NGLY1: variants seen among roughly 807,000 people sequenced by gnomAD.
NGLY1 encodes N-glycanase 1.
NGLY1 carries 68 observed loss-of-function variants against 84.6 expected under a neutral mutation model. The ratio of observed to expected loss-of-function variants is 0.80; its 90% confidence interval spans 0.66 to 0.98. The LOEUF (loss-of-function observed/expected upper bound fraction) is 0.98. Ranked by LOEUF, NGLY1 falls within the 50% of genes least tolerant of loss-of-function variation. The pLI, the probability that NGLY1 is intolerant of heterozygous loss-of-function variation, is 0.00. For synonymous variants in NGLY1, 280 were observed against 275.2 expected (o/e 1.02, Z -0.17); for missense variants, 779 against 770.2 (o/e 1.01, Z -0.14).
intron 8 of NGLY1, 145 bp from the exon 9 acceptor site, chr3:25,732,628 A>T: frequency 1.8e-6 from 1 of 557,722 alleles, no homozygotes; most frequent in Non-Finnish European, 3.0e-6. Flanking sequence ...TATTATTCAG[A>T]AAATAAAAAG....
At chr3:25,772,064 T>C (rs1180227946) in intron 2 of NGLY1, among the ~76,000 whole-genome samples, 2 of 152,214 alleles carry the variant, frequency 1.3e-5, no homozygotes, top group African/African-American at 4.8e-5. Context: ...TCCAGTACTA[T>C]GTTGAATAGA....
intron 2 of NGLY1, among the ~76,000 whole-genome samples, chr3:25,773,860 G>A (rs1445121501): frequency 6.6e-6 from 1 of 152,184 alleles, no homozygotes; most frequent in African/African-American, 2.4e-5. Context: ...CTTCCTGAGA[G>A]CTGGACTGCA....
intron 2 of NGLY1, among the ~76,000 whole-genome samples, chr3:25,777,394 T>TGA (rs1708205664): frequency 1.2e-4 from 2 of 16,180 alleles, no homozygotes; most frequent in Non-Finnish European, 7.6e-4. Flanking sequence ...AAACTCCATC[T>TGA]CAAAAAAAAA....
chr3:25,782,995 C>A, intron 1 of NGLY1: 1 of 413,950 alleles, frequency 2.4e-6, no homozygotes, highest in Non-Finnish European at 4.4e-6. Flanking sequence ...TCCGGGACTC[C>A]AGTTCACCCG....
At chr3:25,744,238 T>A (rs796563513) in intron 4 of NGLY1, among the ~76,000 whole-genome samples, 1 of 152,212 alleles carries the variant, frequency 6.6e-6, no homozygotes, top group Non-Finnish European at 1.5e-5. Context: ...TACAATTTAG[T>A]AGGCCAAGAT....
chr3:25,783,949 G>C (rs1231798897), upstream of NGLY1: 1 of 152,248 alleles, frequency 6.6e-6, no homozygotes, highest in African/African-American at 2.4e-5. The surrounding 1 kb of genome is among the most constrained non-coding windows in gnomAD (Gnocchi z 4.5). Context: ...CAGAAACCCG[G>C]ATCCCTTTGC....
intron 10 of NGLY1, among the ~76,000 whole-genome samples, chr3:25,720,708 T>A (rs938873169): frequency 2.0e-5 from 3 of 152,192 alleles, no homozygotes; most frequent in Non-Finnish European, 4.4e-5. Flanking sequence ...AATAGCATGC[T>A]CCCTGTTCCT....
intron 2 of NGLY1, among the ~76,000 whole-genome samples, chr3:25,765,258 G>C (rs1207256580): frequency 1.3e-5 from 2 of 152,030 alleles, no homozygotes; most frequent in Admixed American, 6.6e-5. Flanking sequence ...TCAGGGGTTC[G>C]AGACCAGCCT....
At chr3:25,783,485 C>T (rs1337007979), upstream of NGLY1, 1 of 1,185,064 alleles carries the variant, frequency 8.4e-7, no homozygotes, top group Non-Finnish European at 1.0e-6. This position sits in a 1 kb window ranked among gnomAD's most constrained non-coding sequence, Gnocchi z 4.5. Context: ...CAGCCACCGG[C>T]AGGGGCGGGG....
intron 3 of NGLY1, among the ~76,000 whole-genome samples, chr3:25,756,481 G>A (rs1707042413): frequency 1.3e-5 from 2 of 152,226 alleles, no homozygotes; most frequent in Non-Finnish European, 1.5e-5. Context: ...CTGTGCTTTT[G>A]ACAGGTAGTT....
intron 2 of NGLY1, among the ~76,000 whole-genome samples, chr3:25,770,715 C>T (rs1031699702): frequency 2.0e-5 from 3 of 152,144 alleles, no homozygotes; most frequent in African/African-American, 7.2e-5. Flanking sequence ...TTTTCACCAA[C>T]ATCTATTATT....
chr3:25,719,617 T>C lies in NGLY1; in HGVS notation c.1808A>G (p.Tyr603Cys), dbSNP rs777069327. The C allele has an allele frequency of 3.2e-5, 51 of 1,613,356 alleles. No individual in the cohort carries two copies. Among genetic ancestry groups the C allele is most frequent in the Non-Finnish European group, 4.0e-5 (47 of 1,179,704 alleles). The change falls in exon 12 of 12, where the codon TAT (tyrosine) becomes TGT (cysteine). Residue 603 changes from tyrosine to cysteine, a missense_variant. By Grantham distance (194) the Tyr-to-Cys change is radical (BLOSUM62 -2). Transcript: ENST00000280700. ...TTCAGTGGCACCAGAAAAATCAGCA[T>C]AGGAGTGAAGACTGTTATCTGTTAG... ...ELTGDNSLHS[Y>C]ADFSGATEVI... is the part of the protein sequence containing the mutation.
At chr3:25,737,812 G>T (rs188317146) in intron 5 of NGLY1, among the ~76,000 whole-genome samples, 25 of 152,236 alleles carry the variant, frequency 1.6e-4, no homozygotes, top group Admixed American at 2.6e-4. Context: ...CCAAAGTGCT[G>T]AGATTACAGG....
At chr3:25,780,228 G>A (rs1266298635) in intron 1 of NGLY1, among the ~76,000 whole-genome samples, 1 of 152,208 alleles carries the variant, frequency 6.6e-6, no homozygotes, top group Non-Finnish European at 1.5e-5. Flanking sequence ...CCATTAACAT[G>A]TGGGGCCTTT....
chr3:25,783,242 G>T lies in NGLY1; in HGVS notation c.131+18C>A. 2.8e-6 allele frequency: 4 copies of T among 1,429,546 alleles called. No homozygotes were observed. The highest frequency in any genetic ancestry group is 3.9e-6 in the Non-Finnish European group (4 of 1,025,496). 88.6% of individuals were successfully genotyped at this position (1,429,546 alleles called of 1,614,324 possible). A position where few individuals can be genotyped will look rare whatever the true frequency, so the allele number is the denominator to read the frequency against. ...CCACCCACCCCGGTACCCGCCGTCC[G>T]ACCCCGTTGCCCTGCACCTGAGGAT... On this transcript the variant is annotated intron_variant, in intron 1 of 11. Transcript: ENST00000280700. The surrounding 1 kb of genome is among the most constrained non-coding windows in gnomAD (Gnocchi z 4.5).
chr3:25,767,501 C>T (rs1047723472), intron 2 of NGLY1, among the ~76,000 whole-genome samples: 1 of 152,032 alleles, frequency 6.6e-6, no homozygotes, highest in African/African-American at 2.4e-5. Context: ...GAAAGAGGTG[C>T]AGGTGGAGGG....
At chr3:25,751,869 T>A (rs1445293928) in intron 3 of NGLY1, among the ~76,000 whole-genome samples, 2 of 152,084 alleles carry the variant, frequency 1.3e-5, no homozygotes, top group Non-Finnish European at 2.9e-5. Context: ...TGTCACCTCA[T>A]CAACAAAGAG....
At chr3:25,728,592 C>T (rs1369689668) in intron 10 of NGLY1, among the ~76,000 whole-genome samples, 2 of 151,994 alleles carry the variant, frequency 1.3e-5, no homozygotes, top group Admixed American at 6.6e-5. Context: ...CTGCTATAGT[C>T]CTAACCTCTA....
chr3:25,736,273 T>C (rs192952474), intron 6 of NGLY1, 124 bp from the exon 7 acceptor site: 1 of 1,550,692 alleles, frequency 6.4e-7, no homozygotes, highest in East Asian at 2.4e-5. Context: ...TTTCAGTTAA[T>C]AAGTGCATTT....
Sources: allele counts gnomAD v4.1 joint callset (sites outside exome capture counted in the v4.1 genomes callset), GRCh38; gene constraint gnomAD v4.1.1; non-coding constraint Gnocchi (gnomAD v3.1); transcripts MANE v1.5; gene names NCBI Gene and HGNC (gene_info 2026-07-23, HGNC 2026-07-21).